Variants in PCYT1A observed in about 807,000 individuals in gnomAD.
PCYT1A encodes choline-phosphate cytidylyltransferase A.
A neutral mutation model predicts 43.7 loss-of-function variants in PCYT1A; 25 were observed. That is an observed-to-expected ratio of 0.57 (90% confidence interval 0.42 to 0.80). The LOEUF (loss-of-function observed/expected upper bound fraction) is 0.80, where lower values mean the gene tolerates loss of function less well. Ranked by LOEUF, PCYT1A falls within the 30% of genes least tolerant of loss-of-function variation. PCYT1A has a pLI of 0.00. For missense variants in PCYT1A, 421 were observed against 474.2 expected, an observed-to-expected ratio of 0.89 and a Z score of 1.04; for synonymous variants, 172 against 170.7, an observed-to-expected ratio of 1.01 and a Z score of -0.06.
chr3:196,280,570 G>GTTTTTTTTTTTTTTT lies in PCYT1A; in HGVS notation c.-11+7030_-11+7044dup. ...TTATTGTTGTATTGGTATTTTTATT[G>GTTTTTTTTTTTTTTT]TTTTTTTTTTTTTTTTTTTCTGAAT... is the stretch of plus-strand genomic sequence containing the variant. On this transcript the variant is annotated intron_variant, in intron 1 of 8. Transcript: ENST00000431016. 3.0e-3 allele frequency among the ~76,000 whole-genome samples: 271 copies of GTTTTTTTTTTTTTTT among 91,312 alleles called. 1 individual carries two copies. Among genetic ancestry groups the GTTTTTTTTTTTTTTT allele is most frequent in the Non-Finnish European group, 3.7e-3 (179 of 48,118 alleles). The allele number at this position is 91,312 out of a possible 152,430, so 59.9% of individuals were successfully genotyped here.
intron 2 of PCYT1A, among the ~76,000 whole-genome samples, chr3:196,259,301 GT>G (rs1440005359): frequency 1.3e-5 from 2 of 151,972 alleles, no homozygotes; most frequent in Admixed American, 1.3e-4. Context: ...GTCTTGGTTA[GT>G]TTTTGCAACT....
In PCYT1A at chr3:196,270,544, G is replaced by A. The variant is rs761750077; in HGVS notation, c.-10-3C>T. ...ACTGTGCATCCATCTTCTTTTAACTGGTCATAGAAAGTGAAAACAAAAATT... is the reference window on the plus strand; with the variant it reads ...ACTGTGCATCCATCTTCTTTTAACTAGTCATAGAAAGTGAAAACAAAAATT... On this transcript the variant is annotated splice_region_variant and splice_polypyrimidine_tract_variant and intron_variant, in intron 1 of 8. Transcript: ENST00000431016. 4.6e-5 allele frequency: 74 copies of A among 1,596,990 alleles called. No homozygotes were observed. The Admixed American group carries it at 1.2e-3, about 26-fold the overall frequency.
chr3:196,270,913 C>T (rs1035761188), intron 1 of PCYT1A, among the ~76,000 whole-genome samples: 3 of 152,162 alleles, frequency 2.0e-5, no homozygotes, highest in Non-Finnish European at 4.4e-5. Context: ...TCCGCATCAT[C>T]GATATGACAG....
At chr3:196,257,918 G>T in intron 2 of PCYT1A, 31 bp from the exon 3 acceptor site, 3 of 1,357,600 alleles carry the variant, frequency 2.2e-6, no homozygotes, top group Non-Finnish European at 3.2e-6. Context: ...GGAAAAGAAA[G>T]TTCAACTCAA....
At position 196,237,437 on chromosome 3, in the gene PCYT1A, G is replaced by GA. The variant is rs1245513306; in HGVS notation, c.*1250dup. On this transcript the variant is annotated 3_prime_UTR_variant, in exon 9 of 9. Transcript: ENST00000431016. ...ACCAGGCGTGTGTGAAAAGTGGGGA[G>GA]AAAACCTACCACACTCTTGTCACGT... 1 of 152,238 alleles carries GA rather than the reference G, an allele frequency of 6.6e-6. No homozygotes were observed. The highest frequency in any genetic ancestry group is 1.5e-5 in the Non-Finnish European group (1 of 68,048). The allele number at this position is 152,238 out of a possible 1,614,324, so 9.4% of individuals were successfully genotyped here.
At chr3:196,257,291 T>C (rs1433360221) in intron 3 of PCYT1A, among the ~76,000 whole-genome samples, 1 of 152,192 alleles carries the variant, frequency 6.6e-6, no homozygotes, top group African/African-American at 2.4e-5. Context: ...GAAAATAAAG[T>C]ATTTTTTAAA....
chr3:196,257,198 T>G (rs1418551537), intron 3 of PCYT1A, among the ~76,000 whole-genome samples: 1 of 152,168 alleles, frequency 6.6e-6, no homozygotes, highest in Non-Finnish European at 1.5e-5. Flanking sequence ...GAAAAGCATC[T>G]CGAATATATA....
Position 196,237,399 on chromosome 3 carries a change from T to C in PCYT1A, c.*1289A>G, listed in dbSNP as rs1443668620. The C allele has an allele frequency of 6.6e-6, 1 of 152,282 alleles. No individual in the cohort carries two copies. The highest frequency in any genetic ancestry group is 1.5e-5 in the Non-Finnish European group (1 of 68,082). The allele number at this position is 152,282 out of a possible 1,614,324, so 9.4% of individuals were successfully genotyped here. On this transcript the variant is annotated 3_prime_UTR_variant, in exon 9 of 9. Coordinates refer to ENST00000431016, the MANE Select transcript of PCYT1A (RefSeq NM_001312673.2). ...CCCCCGGGCAAGCCAACAAGGCAGA[T>C]GGAACCACAACCACCAGGCGTGTGT...
chr3:196,274,080 G>A (rs1725518438), intron 1 of PCYT1A, among the ~76,000 whole-genome samples: 1 of 152,370 alleles, frequency 6.6e-6, no homozygotes, highest in Non-Finnish European at 1.5e-5. Context: ...ACTGCCCCTA[G>A]CACACGCAAA....
chr3:196,237,183 CAG>C lies in PCYT1A; in HGVS notation c.*1503_*1504del, dbSNP rs887663449. ...CCCCACAAGGGGTATTTATGAGTGA[CAG>C]GGGTGGGGCCTGGACATAAGCAATT... On this transcript the variant is annotated 3_prime_UTR_variant, in exon 9 of 9. Coordinates refer to ENST00000431016, the MANE Select transcript of PCYT1A (RefSeq NM_001312673.2). 1.4e-4 allele frequency: 21 copies of C among 152,392 alleles called. No homozygotes were observed. The highest frequency in any genetic ancestry group is 4.8e-4 in the African/African-American group (20 of 41,568). 9.4% of individuals were successfully genotyped at this position (152,392 alleles called of 1,614,324 possible).
chr3:196,252,910 AG>A lies in PCYT1A; in HGVS notation c.218-4588del, dbSNP rs1304483419. Among the ~76,000 whole-genome samples the A allele has an allele frequency of 5.0e-5, 7 of 139,614 alleles. No individual in the cohort carries two copies. In the Admixed American group the frequency reaches 5.4e-4, roughly 11 times the overall value. The allele number at this position is 139,614 out of a possible 152,430, so 91.6% of individuals were successfully genotyped here. On this transcript the variant is annotated intron_variant, in intron 3 of 8. Transcript: ENST00000431016. This position sits in a 1 kb window ranked among gnomAD's most constrained non-coding sequence, Gnocchi z 4.0. ...AGCATGTGTCAACTAAAAAAAAAGA[AG>A]AAAAAAATATTTTTAAAAAGATAAT...
In PCYT1A at chr3:196,268,106, A is replaced by G. The variant is rs2108776859; in HGVS notation, c.117+2309T>C. Among the ~76,000 whole-genome samples, 1 of 151,364 alleles carries G rather than the reference A, an allele frequency of 6.6e-6. No individual in the cohort carries two copies. The highest frequency in any genetic ancestry group is 1.9e-4 in the East Asian group (1 of 5,192). Reference sequence around the variant, plus strand: ...ATGAAGCAAAGTAATTTAAAGCATTAAGACTCCCCAGAAGAATTTAAAAAA... The same window carrying G: ...ATGAAGCAAAGTAATTTAAAGCATTGAGACTCCCCAGAAGAATTTAAAAAA... On this transcript the variant is annotated intron_variant, in intron 2 of 8. Coordinates refer to ENST00000431016, the MANE Select transcript of PCYT1A (RefSeq NM_001312673.2). The surrounding 1 kb of genome is among the most constrained non-coding windows in gnomAD (Gnocchi z 4.4).
chr3:196,244,248 C>T (rs188061271), intron 5 of PCYT1A, among the ~76,000 whole-genome samples: 254 of 146,054 alleles, frequency 1.7e-3, no homozygotes, highest in African/African-American at 6.2e-3. Flanking sequence ...ATGTGAGGAG[C>T]GTCTCTGCCT....
intron 4 of PCYT1A, 159 bp downstream of exon 4, chr3:196,248,048 T>G (rs1724624595): frequency 6.3e-6 from 4 of 639,804 alleles, no homozygotes; most frequent in Non-Finnish European, 1.1e-5. Context: ...TCTCCAGGTT[T>G]AGTTTGCTGG....
intron 2 of PCYT1A, among the ~76,000 whole-genome samples, chr3:196,269,544 G>A (rs1273090718): frequency 6.6e-6 from 1 of 152,128 alleles, no homozygotes; most frequent in Non-Finnish European, 1.5e-5. Flanking sequence ...AGGGTAGCAA[G>A]CTGAGACAGG....
intron 1 of PCYT1A, chr3:196,287,191 C>G (rs1725938177): frequency 6.6e-6 from 1 of 152,590 alleles, no homozygotes; most frequent in African/African-American, 2.4e-5. Context: ...CATCGCCCAT[C>G]ACGGATGCCA....
At chr3:196,248,946 G>A (rs188994889) in intron 3 of PCYT1A, among the ~76,000 whole-genome samples, 39 of 151,530 alleles carry the variant, frequency 2.6e-4, no homozygotes, top group African/African-American at 9.4e-4. Context: ...TTTTTTAGTA[G>A]AGATGGGGTT....
At chr3:196,274,658 G>A (rs868691563) in intron 1 of PCYT1A, among the ~76,000 whole-genome samples, 3 of 152,150 alleles carry the variant, frequency 2.0e-5, no homozygotes, top group African/African-American at 7.2e-5. Flanking sequence ...CTGCCCTACT[G>A]CCTCTCATAA....
chr3:196,270,576 T>C (rs368114195), intron 1 of PCYT1A, 35 bp from the exon 2 acceptor site: 52 of 1,405,128 alleles, frequency 3.7e-5, no homozygotes, highest in South Asian at 2.3e-4. Context: ...AATTTTCTCA[T>C]TGGGGTGGGA....
Sources: allele counts gnomAD v4.1 joint callset (sites outside exome capture counted in the v4.1 genomes callset), GRCh38; gene constraint gnomAD v4.1.1; non-coding constraint Gnocchi (gnomAD v3.1); transcripts MANE v1.5; gene names NCBI Gene and HGNC (gene_info 2026-07-23, HGNC 2026-07-21).